KCNMA1: variants seen among roughly 807,000 people sequenced by gnomAD.
KCNMA1 encodes Calcium-activated potassium channel subunit alpha-1.
A neutral mutation model predicts 140.0 loss-of-function variants in KCNMA1; 29 were observed. The observed-to-expected ratio is 0.21, with a 90% CI of 0.15 to 0.28. The LOEUF (loss-of-function observed/expected upper bound fraction) is 0.28, where lower values mean the gene tolerates loss of function less well. Ranked by LOEUF, KCNMA1 falls within the 10% of genes least tolerant of loss-of-function variation. The pLI, the probability that KCNMA1 is intolerant of heterozygous loss-of-function variation, is 1.00. For missense variants in KCNMA1, 880 were observed against 1,602.2 expected (o/e 0.55, Z 7.70); for synonymous variants, 612 against 611.9 (o/e 1.00, Z 0.00).
chr10:77,086,719 T>C, intron 10 of KCNMA1, 126 bp from the exon 11 acceptor site: 2 of 721,890 alleles, frequency 2.8e-6, no homozygotes, highest in South Asian at 1.5e-5. Context: ...AGTCACCCTT[T>C]TGCTTGCCAT....
At chr10:77,228,844 TG>T (rs770559058) in intron 3 of KCNMA1, among the ~76,000 whole-genome samples, 1 of 152,228 alleles carries the variant, frequency 6.6e-6, no homozygotes, top group Non-Finnish European at 1.5e-5. Context: ...CTCACTACCA[TG>T]GGCGCCAACC....
intron 3 of KCNMA1, chr10:77,217,547 A>G (rs769932710): frequency 2.2e-6 from 1 of 456,612 alleles, no homozygotes; most frequent in Non-Finnish European, 4.4e-6. Flanking sequence ...TTTGCCATGA[A>G]GTCTCCAGGA....
downstream of KCNMA1, among the ~76,000 whole-genome samples, chr10:76,881,695 C>A (rs750505309): frequency 6.6e-6 from 1 of 152,142 alleles, no homozygotes; most frequent in Non-Finnish European, 1.5e-5. Flanking sequence ...TGGGTCGTAC[C>A]TCTTGAATGT....
chr10:77,634,525 C>T, intron 1 of KCNMA1: 4 of 984,646 alleles, frequency 4.1e-6, no homozygotes, highest in Admixed American at 6.2e-5. Context: ...GAGCTCCTTG[C>T]TGAATTTTAT....
chr10:77,446,883 T>C (rs776844341), intron 1 of KCNMA1, among the ~76,000 whole-genome samples: 4 of 152,206 alleles, frequency 2.6e-5, no homozygotes, highest in Non-Finnish European at 5.9e-5. Context: ...CTCCATACCT[T>C]TGTTCACACT....
chr10:77,450,541 A>T (rs1003254281), intron 1 of KCNMA1, among the ~76,000 whole-genome samples: 1 of 152,116 alleles, frequency 6.6e-6, no homozygotes, highest in African/African-American at 2.4e-5. Flanking sequence ...TTCTCTTTAT[A>T]ATTTTTCTGT....
chr10:77,462,113 C>T (rs1463789011), intron 1 of KCNMA1, among the ~76,000 whole-genome samples: 5 of 151,750 alleles, frequency 3.3e-5, no homozygotes, highest in Non-Finnish European at 7.4e-5. Flanking sequence ...GAAACATGCA[C>T]ACACTAACAT....
At chr10:77,135,317 G>C (rs949064772) in intron 5 of KCNMA1, among the ~76,000 whole-genome samples, 1 of 152,118 alleles carries the variant, frequency 6.6e-6, no homozygotes, top group Non-Finnish European at 1.5e-5. Context: ...CTGTTAGAAG[G>C]GTTATTATCG....
chr10:76,879,924 G>T (rs2033932105), downstream of KCNMA1, among the ~76,000 whole-genome samples: 1 of 152,182 alleles, frequency 6.6e-6, no homozygotes, highest in South Asian at 2.1e-4. Flanking sequence ...AGGGGTTTAT[G>T]TGTAAAGATG....
At chr10:77,524,866 TG>T (rs2054966648) in intron 1 of KCNMA1, among the ~76,000 whole-genome samples, 1 of 152,182 alleles carries the variant, frequency 6.6e-6, no homozygotes, top group Non-Finnish European at 1.5e-5. Context: ...GGAAATAATA[TG>T]AGCCCATCCA....
chr10:77,126,687 C>A (rs529884230), intron 5 of KCNMA1, among the ~76,000 whole-genome samples: 1 of 151,614 alleles, frequency 6.6e-6, no homozygotes, highest in East Asian at 2.0e-4. Flanking sequence ...TCACCTGGGG[C>A]TACATCCCCT....
intron 2 of KCNMA1, among the ~76,000 whole-genome samples, chr10:77,351,458 T>C (rs2092873143): frequency 6.6e-6 from 1 of 152,208 alleles, no homozygotes; most frequent in Non-Finnish European, 1.5e-5. Flanking sequence ...TGATACTCAC[T>C]AGAGCTCTGA....
At chr10:77,036,744 T>C (rs1469795147) in intron 15 of KCNMA1, among the ~76,000 whole-genome samples, 1 of 152,214 alleles carries the variant, frequency 6.6e-6, no homozygotes, top group East Asian at 1.9e-4. Flanking sequence ...CACTACACTC[T>C]AATTACGGCT....
Position 76,897,005 on chromosome 10 carries a change from G to T in KCNMA1, c.3148-5286C>A, listed in dbSNP as rs189976889. Among the ~76,000 whole-genome samples, 1,004 of 110,102 alleles carry T rather than the reference G, an allele frequency of 9.1e-3. 10 individuals carry two copies. The highest frequency in any genetic ancestry group is 0.028 in the Middle Eastern group (6 of 212). The allele number at this position is 110,102 out of a possible 152,430, so 72.2% of individuals were successfully genotyped here. A position where few individuals can be genotyped will look rare whatever the true frequency, so the allele number is the denominator to read the frequency against. ...CTAAGGAGCCATGAGTATTAGAGGTGAAAATTACACACACACACACACACA... is the reference window on the plus strand; with the variant it reads ...CTAAGGAGCCATGAGTATTAGAGGTTAAAATTACACACACACACACACACA... On this transcript the variant is annotated intron_variant, in intron 25 of 27. Transcript: ENST00000286628.
At chr10:77,608,024 C>T (rs1295875297) in intron 1 of KCNMA1, among the ~76,000 whole-genome samples, 3 of 152,144 alleles carry the variant, frequency 2.0e-5, no homozygotes, top group East Asian at 1.9e-4. Context: ...GTGGCCTGGA[C>T]TATGCTGCTT....
At chr10:76,974,981 T>C (rs957159924) in intron 19 of KCNMA1, among the ~76,000 whole-genome samples, 4 of 152,186 alleles carry the variant, frequency 2.6e-5, no homozygotes, top group Non-Finnish European at 5.9e-5. Flanking sequence ...TCCTTGGTGA[T>C]AAACTTTTGC....
intron 2 of KCNMA1, among the ~76,000 whole-genome samples, chr10:77,401,391 G>A (rs543876764): frequency 2.6e-5 from 4 of 152,218 alleles, no homozygotes; most frequent in Admixed American, 2.0e-4. Context: ...TCCGGACCTC[G>A]TGATCCACCC....
intron 25 of KCNMA1, chr10:76,902,704 G>T (rs199894083): frequency 6.6e-6 from 1 of 152,142 alleles, no homozygotes; most frequent in African/African-American, 2.4e-5. Flanking sequence ...AATTAGTGTG[G>T]CTTTTAATAC....
chr10:77,232,093 T>C (rs1045174729), intron 3 of KCNMA1, among the ~76,000 whole-genome samples: 2 of 152,240 alleles, frequency 1.3e-5, no homozygotes, highest in Non-Finnish European at 2.9e-5. Flanking sequence ...GGTACACATA[T>C]GTTGTGGCAT....
Sources: gnomAD v4.1 joint callset for allele counts (sites outside exome capture counted in the v4.1 genomes callset) on GRCh38, gnomAD v4.1.1 for gene constraint, MANE v1.5 for transcripts, NCBI Gene and HGNC (gene_info 2026-07-23, HGNC 2026-07-21) for gene names.